Variants in PRCC observed in about 807,000 individuals in gnomAD.
PRCC encodes the protein proline rich mitotic checkpoint control factor.
A neutral mutation model predicts 44.0 loss-of-function variants in PRCC; 10 were observed. The observed-to-expected ratio is 0.23, with a 90% CI of 0.14 to 0.39. The LOEUF is 0.39. Ranked by LOEUF, PRCC falls within the 10% of genes least tolerant of loss-of-function variation. PRCC has a pLI of 1.00. For synonymous variants in PRCC, 278 were observed against 259.5 expected (o/e 1.07, Z -0.69); for missense variants, 573 against 624.7 (o/e 0.92, Z 0.88).
chr1:156,791,247 C>A (rs1652462300), intron 3 of PRCC: 2 of 963,584 alleles, frequency 2.1e-6, no homozygotes, highest in African/African-American at 1.6e-5. Context: ...TTCCCTGTAT[C>A]CACAGGACCA....
intron 1 of PRCC, among the ~76,000 whole-genome samples, chr1:156,773,706 T>G (rs1651715687): frequency 6.6e-6 from 1 of 152,166 alleles, no homozygotes; most frequent in Non-Finnish European, 1.5e-5. Flanking sequence ...GTTTGGCAGT[T>G]CCTCAAAAGG....
intron 1 of PRCC, among the ~76,000 whole-genome samples, chr1:156,779,594 C>T (rs1651977086): frequency 6.6e-6 from 1 of 152,082 alleles, no homozygotes; most frequent in Non-Finnish European, 1.5e-5. Flanking sequence ...GTCTCGAACT[C>T]CTGACCTCAA....
intron 1 of PRCC, among the ~76,000 whole-genome samples, chr1:156,780,209 C>T (rs557785961): frequency 5.0e-4 from 76 of 152,014 alleles, no homozygotes; most frequent in African/African-American, 1.8e-3. Flanking sequence ...AGGCATGTGC[C>T]ACCACACCCG....
At chr1:156,797,100 C>G (rs1160827965) in intron 5 of PRCC, 176 bp from the exon 6 acceptor site, 1 of 638,678 alleles carries the variant, frequency 1.6e-6, no homozygotes, top group East Asian at 2.9e-5. Context: ...TGTATAATGG[C>G]TTTAATAAAA....
intron 6 of PRCC, among the ~76,000 whole-genome samples, 199 bp downstream of exon 6, chr1:156,797,540 C>T (rs533249886): frequency 6.6e-6 from 1 of 152,294 alleles, no homozygotes; most frequent in Non-Finnish European, 1.5e-5. Context: ...AGTCTCAATG[C>T]AGATAAGATT....
chr1:156,770,439 A>G (rs1651590339), intron 1 of PRCC, among the ~76,000 whole-genome samples: 1 of 152,234 alleles, frequency 6.6e-6, no homozygotes, highest in African/African-American at 2.4e-5. Flanking sequence ...CAATGGCACA[A>G]TCTCAGCTCA....
At chr1:156,799,125 T>A (rs1425399160) in intron 6 of PRCC, among the ~76,000 whole-genome samples, 2 of 152,202 alleles carry the variant, frequency 1.3e-5, no homozygotes, top group African/African-American at 4.8e-5. Context: ...TGACTACAAA[T>A]GGCACCATGT....
intron 2 of PRCC, among the ~76,000 whole-genome samples, chr1:156,784,718 G>A (rs1335113008): frequency 6.6e-6 from 1 of 152,224 alleles, no homozygotes; most frequent in Non-Finnish European, 1.5e-5. Context: ...TGGCTGAGAA[G>A]GCTGGAGTAC....
intron 2 of PRCC, among the ~76,000 whole-genome samples, chr1:156,783,212 C>G (rs188878455): frequency 6.6e-6 from 1 of 152,142 alleles, no homozygotes; most frequent in African/African-American, 2.4e-5. Flanking sequence ...GCCAGTCTGA[C>G]TGTTGAGTCC....
intron 6 of PRCC, among the ~76,000 whole-genome samples, chr1:156,798,972 G>A (rs1037885243): frequency 2.6e-5 from 4 of 152,160 alleles, no homozygotes; most frequent in Non-Finnish European, 5.9e-5. Flanking sequence ...TTAGCATTAC[G>A]TGGTGTTTTA....
At chr1:156,790,985 G>A (rs1380934469) in intron 3 of PRCC, 4 of 695,574 alleles carry the variant, frequency 5.8e-6, no homozygotes, top group African/African-American at 1.8e-5. Context: ...TAGGCAAGGA[G>A]GAAACAGTTT....
chr1:156,769,407 A>G (rs1001272575), intron 1 of PRCC, among the ~76,000 whole-genome samples: 5 of 152,188 alleles, frequency 3.3e-5, no homozygotes, highest in Middle Eastern at 3.4e-3. Context: ...TATAAACTCC[A>G]TGAAGGCAGG....
chr1:156,799,769 G>C (rs567021871), intron 6 of PRCC, among the ~76,000 whole-genome samples: 1 of 152,342 alleles, frequency 6.6e-6, no homozygotes, highest in South Asian at 2.1e-4. Flanking sequence ...CTACATTCCA[G>C]AATGTGGTAT....
At position 156,800,772 on chromosome 1, in the gene PRCC, T is replaced by TA; in HGVS notation, c.*315dup. Reference sequence around the variant, plus strand: ...CTCCCCACCACCACTTTTTTTTTTTTAAACCAGGGATGTCTGTTGAAATAA... The same window carrying TA: ...CTCCCCACCACCACTTTTTTTTTTTTAAAACCAGGGATGTCTGTTGAAATAA... On this transcript the variant is annotated 3_prime_UTR_variant, in exon 7 of 7. Transcript: ENST00000271526. 1 of 291,416 alleles carries TA rather than the reference T, an allele frequency of 3.4e-6. No homozygotes were observed. The highest frequency in any genetic ancestry group is 4.9e-5 in the East Asian group (1 of 20,210). The allele number at this position is 291,416 out of a possible 1,614,324, so 18.1% of individuals were successfully genotyped here. A position where few individuals can be genotyped will look rare whatever the true frequency, so the allele number is the denominator to read the frequency against.
intron 1 of PRCC, among the ~76,000 whole-genome samples, chr1:156,777,866 G>C (rs528431794): frequency 6.6e-6 from 1 of 152,250 alleles, no homozygotes; most frequent in Admixed American, 6.5e-5. Flanking sequence ...CAAGGGGAAG[G>C]ACTTACATGA....
intron 3 of PRCC, among the ~76,000 whole-genome samples, chr1:156,788,415 A>G (rs1209126164): frequency 6.6e-6 from 1 of 152,040 alleles, no homozygotes; most frequent in Non-Finnish European, 1.5e-5. Flanking sequence ...ACGGGCATGT[A>G]GTTGATTCTG....
intron 1 of PRCC, among the ~76,000 whole-genome samples, chr1:156,777,265 C>G (rs1447141714): frequency 6.6e-6 from 1 of 152,136 alleles, no homozygotes; most frequent in Non-Finnish European, 1.5e-5. Flanking sequence ...TTTGGTGTTC[C>G]CGCAAAAGCA....
chr1:156,791,805 A>G lies in PRCC; in HGVS notation c.1179+13A>G. 1 of 1,608,102 alleles carries G rather than the reference A, an allele frequency of 6.2e-7. No homozygotes were observed. The highest frequency in any genetic ancestry group is 8.5e-7 in the Non-Finnish European group (1 of 1,175,964). ...CGATGACGAAGCAGTAAGTTAAGAA[A>G]GCACAAGTGACCATCTTTGACCGCT... On this transcript the variant is annotated intron_variant, in intron 4 of 6. Coordinates refer to ENST00000271526, the MANE Select transcript of PRCC (RefSeq NM_005973.5).
chr1:156,786,580 C>T, intron 2 of PRCC, 28 bp from the exon 3 acceptor site: 6 of 1,575,648 alleles, frequency 3.8e-6, no homozygotes, highest in Non-Finnish European at 5.2e-6. Flanking sequence ...ATCTTTCTTT[C>T]CTCCTATCCC....
Sources: allele counts gnomAD v4.1 joint callset (sites outside exome capture counted in the v4.1 genomes callset), GRCh38; gene constraint gnomAD v4.1.1; transcripts MANE v1.5; gene names NCBI Gene and HGNC (gene_info 2026-07-23, HGNC 2026-07-21).